PLEKHA5: variants seen among roughly 807,000 people sequenced by gnomAD.
The protein encoded by PLEKHA5 is pleckstrin homology domain-containing family A member 5.
PLEKHA5 carries 55 observed loss-of-function variants against 181.9 expected under a neutral mutation model. That is an observed-to-expected ratio of 0.30 (90% confidence interval 0.24 to 0.38). PLEKHA5 has a LOEUF of 0.38. Ranked by LOEUF, PLEKHA5 falls within the 10% of genes least tolerant of loss-of-function variation. The pLI, the probability that PLEKHA5 is intolerant of heterozygous loss-of-function variation, is 1.00. For missense variants in PLEKHA5, 1,432 were observed against 1,549.5 expected, an observed-to-expected ratio of 0.92 and a Z score of 1.27; for synonymous variants, 535 against 529.4, an observed-to-expected ratio of 1.01 and a Z score of -0.15.
At chr12:19,287,435 C>G in intron 12 of PLEKHA5, 38 bp from the exon 13 acceptor site, 1 of 1,278,298 alleles carries the variant, frequency 7.8e-7, no homozygotes, top group Non-Finnish European at 1.1e-6. Context: ...AAAAAAAAAA[C>G]TTTACCACAG....
At chr12:19,334,907 C>A (rs1395828948) in intron 20 of PLEKHA5, among the ~76,000 whole-genome samples, 1 of 51,420 alleles carries the variant, frequency 1.9e-5, no homozygotes, top group African/African-American at 4.3e-5. Flanking sequence ...ATTAGCCGGG[C>A]ATAGGGGTGA....
At chr12:19,359,983 A>G (rs2095144991) in intron 28 of PLEKHA5, among the ~76,000 whole-genome samples, 1 of 151,868 alleles carries the variant, frequency 6.6e-6, no homozygotes. Flanking sequence ...AAAAAAAAGA[A>G]AAAGGAAAAA....
intron 3 of PLEKHA5, among the ~76,000 whole-genome samples, chr12:19,142,894 CT>C (rs2037818193): frequency 6.6e-6 from 1 of 152,048 alleles, no homozygotes; most frequent in Non-Finnish European, 1.5e-5. Context: ...CAGTATTTTT[CT>C]TTTTGTCTGG....
intron 3 of PLEKHA5, among the ~76,000 whole-genome samples, chr12:19,189,200 C>T (rs112129302): frequency 1.6e-4 from 25 of 152,192 alleles, no homozygotes; most frequent in African/African-American, 4.3e-4. Flanking sequence ...TGAGGGGGAC[C>T]GGGGCCACAC....
At chr12:19,289,891 A>G (rs1592339699) in intron 13 of PLEKHA5, among the ~76,000 whole-genome samples, 1 of 152,104 alleles carries the variant, frequency 6.6e-6, no homozygotes, top group East Asian at 1.9e-4. Context: ...CCCAAATTTA[A>G]TAATGTGAAG....
intron 3 of PLEKHA5, among the ~76,000 whole-genome samples, chr12:19,209,149 C>T (rs369474802): frequency 7.9e-5 from 12 of 152,100 alleles, no homozygotes; most frequent in African/African-American, 2.9e-4. Context: ...TTGAAAAGAA[C>T]TCCTATCAGA....
At chr12:19,252,739 A>G (rs928875534) in intron 3 of PLEKHA5, among the ~76,000 whole-genome samples, 4 of 152,076 alleles carry the variant, frequency 2.6e-5, no homozygotes, top group Non-Finnish European at 5.9e-5. Context: ...TCTACAACAT[A>G]CCTTCCTCAA....
At chr12:19,275,083 GT>G in intron 11 of PLEKHA5, 100 bp downstream of exon 11, 1 of 707,424 alleles carries the variant, frequency 1.4e-6, no homozygotes, top group Non-Finnish European at 2.3e-6. Flanking sequence ...TTTAAATTGT[GT>G]TTTAGCTGTT....
At chr12:19,324,549 T>A (rs906335285) in intron 20 of PLEKHA5, among the ~76,000 whole-genome samples, 2 of 152,088 alleles carry the variant, frequency 1.3e-5, no homozygotes, top group African/African-American at 4.8e-5. Context: ...TTTCTGAAGA[T>A]TTAGATCTAC....
intron 20 of PLEKHA5, among the ~76,000 whole-genome samples, chr12:19,324,221 C>T (rs1013169888): frequency 6.6e-6 from 1 of 152,124 alleles, no homozygotes; most frequent in Non-Finnish European, 1.5e-5. Flanking sequence ...CCCTGAATTC[C>T]AAACGTGAGC....
intron 3 of PLEKHA5, among the ~76,000 whole-genome samples, chr12:19,195,387 A>AAAGAGAC (rs3983605): frequency 0.84 from 127,767 of 151,662 alleles, 55,230 homozygotes; most frequent in Non-Finnish European, 0.95. Flanking sequence ...GATATAAAGT[A>AAAGAGAC]CGGGTGAGTG....
chr12:19,159,032 A>G (rs1042118038), intron 3 of PLEKHA5, among the ~76,000 whole-genome samples: 4 of 152,212 alleles, frequency 2.6e-5, no homozygotes, highest in Non-Finnish European at 4.4e-5. Context: ...AAATTACTGA[A>G]TCTGACATTT....
intron 3 of PLEKHA5, among the ~76,000 whole-genome samples, chr12:19,156,741 T>C (rs1721734355): frequency 6.6e-6 from 1 of 151,760 alleles, no homozygotes; most frequent in Admixed American, 6.6e-5. Flanking sequence ...ATATTGGAAA[T>C]GTAGTTAAAA....
At chr12:19,226,601 T>A (rs1216212770) in intron 3 of PLEKHA5, among the ~76,000 whole-genome samples, 1 of 152,174 alleles carries the variant, frequency 6.6e-6, no homozygotes, top group African/African-American at 2.4e-5. Context: ...GACTTCCAAA[T>A]TAAATTGTGA....
intron 3 of PLEKHA5, among the ~76,000 whole-genome samples, chr12:19,189,144 T>C (rs973067604): frequency 1.3e-5 from 2 of 152,204 alleles, no homozygotes; most frequent in East Asian, 1.9e-4. Context: ...GAACCCAGTG[T>C]GCCTGGAACT....
At chr12:19,193,181 G>C (rs931466588) in intron 3 of PLEKHA5, among the ~76,000 whole-genome samples, 5 of 152,192 alleles carry the variant, frequency 3.3e-5, no homozygotes, top group African/African-American at 1.2e-4. Flanking sequence ...TTAAACATAA[G>C]AGGGTGCAAT....
At chr12:19,292,681 G>C (rs980925725) in intron 15 of PLEKHA5, among the ~76,000 whole-genome samples, 1 of 152,204 alleles carries the variant, frequency 6.6e-6, no homozygotes, top group Admixed American at 6.5e-5. Flanking sequence ...GCTCCCGCCT[G>C]TAATCCCAGC....
At chr12:19,307,101 C>G (rs773695366) in intron 15 of PLEKHA5, 17 of 1,031,026 alleles carry the variant, frequency 1.6e-5, no homozygotes, top group Non-Finnish European at 2.4e-5. Flanking sequence ...AGCTTATGAG[C>G]ACTGTTGGTC....
intron 6 of PLEKHA5, among the ~76,000 whole-genome samples, chr12:19,260,080 A>G (rs908949785): frequency 1.3e-5 from 2 of 152,142 alleles, no homozygotes; most frequent in Non-Finnish European, 2.9e-5. Flanking sequence ...TGATATTTTA[A>G]TGAACTAAAT....
Sources: gnomAD v4.1 joint callset for allele counts (sites outside exome capture counted in the v4.1 genomes callset) on GRCh38, gnomAD v4.1.1 for gene constraint, MANE v1.5 for transcripts, NCBI Gene and HGNC (gene_info 2026-07-23, HGNC 2026-07-21) for gene names.